The following CFTR variants were observed in gnomAD, a reference collection of about 807,000 sequenced individuals.
CFTR encodes the protein cystic fibrosis transmembrane conductance regulator.
Under a neutral mutation model 171.6 loss-of-function variants are expected in CFTR, and 181 were observed. The ratio of observed to expected loss-of-function variants is 1.05; its 90% CI spans 0.93 to 1.19. CFTR has a LOEUF of 1.19. Ranked by LOEUF, CFTR falls within the 50% of genes most tolerant of loss-of-function variation. The probability of loss-of-function intolerance (pLI) is 0.00; values close to 1 mark genes in which losing one functional copy is unlikely to be tolerated. For missense variants in CFTR, 1,968 were observed against 1,734.7 expected (o/e 1.13, Z -2.39); for synonymous variants, 583 against 608.0 (o/e 0.96, Z 0.60).
chr7:117,541,714 A>G (rs1799055566), intron 8 of CFTR, among the ~76,000 whole-genome samples: 1 of 152,166 alleles, frequency 6.6e-6, no homozygotes, highest in South Asian at 2.1e-4. Flanking sequence ...TTGCTTTGTA[A>G]ATTCATCACT....
intron 25 of CFTR, 39 bp from the exon 26 acceptor site, chr7:117,665,420 T>A: frequency 9.0e-7 from 1 of 1,111,390 alleles, no homozygotes; most frequent in Non-Finnish European, 1.4e-6. Flanking sequence ...ATCATTACTG[T>A]TCTGTGATAT....
chr7:117,627,787 G>A lies in CFTR; in HGVS notation c.3717+17G>A. 1 of 1,607,570 alleles carries A rather than the reference G, an allele frequency of 6.2e-7. No homozygotes were observed. The highest frequency in any genetic ancestry group is 2.2e-5 in the East Asian group (1 of 44,822). ...GGCCAGAGGGTGAGATTTGAACACTGCTTGCTTTGTTAGACTGTGTTCAGT... is the reference window on the plus strand; with the variant it reads ...GGCCAGAGGGTGAGATTTGAACACTACTTGCTTTGTTAGACTGTGTTCAGT... On this transcript the variant is annotated intron_variant, in intron 22 of 26. Coordinates refer to ENST00000003084, the MANE Select transcript of CFTR (RefSeq NM_000492.4).
chr7:117,584,386 G>A (rs213960), intron 11 of CFTR, among the ~76,000 whole-genome samples: 151,768 of 152,310 alleles, frequency 1, 75,616 homozygotes, highest in Middle Eastern at 1. Context: ...ATTCTTCTAC[G>A]TGTGGCTTGC....
In CFTR at chr7:117,667,277, C is replaced by T. The variant is rs558545826; in HGVS notation, c.*169C>T. On this transcript the variant is annotated 3_prime_UTR_variant, in exon 27 of 27. Transcript: ENST00000003084. The stretch of plus-strand genomic sequence containing the variant: ...CATTTGGTAAGGGGAATTGAGGACA[C>T]TGATATGGGTCTTGATAAATGGCTT... 6.2e-5 allele frequency: 42 copies of T among 679,870 alleles called. 1 individual carries two copies. The East Asian group carries it at 1.2e-3, about 19-fold the overall frequency. The allele number at this position is 679,870 out of a possible 1,614,324, so 42.1% of individuals were successfully genotyped here.
At chr7:117,664,401 A>G (rs1046310591) in intron 24 of CFTR, among the ~76,000 whole-genome samples, 7 of 152,192 alleles carry the variant, frequency 4.6e-5, no homozygotes, top group Non-Finnish European at 7.3e-5. Flanking sequence ...TGTGCCACGT[A>G]TTGTTTTCTT....
At chr7:117,576,428 A>G (rs1335683027) in intron 11 of CFTR, among the ~76,000 whole-genome samples, 1 of 152,144 alleles carries the variant, frequency 6.6e-6, no homozygotes, top group East Asian at 1.9e-4. Flanking sequence ...ATACAGGAAG[A>G]TGTGCATATG....
chr7:117,627,480 C>T (rs779030454), intron 21 of CFTR, 42 bp from the exon 22 acceptor site: 2 of 1,607,422 alleles, frequency 1.2e-6, no homozygotes, highest in Admixed American at 1.7e-5. Context: ...GTGAAATTGT[C>T]TGCCATTCTT....
At chr7:117,609,982 G>T (rs932918546) in intron 18 of CFTR, among the ~76,000 whole-genome samples, 17 of 152,054 alleles carry the variant, frequency 1.1e-4, no homozygotes, top group African/African-American at 4.1e-4. Flanking sequence ...AGAATGGGGA[G>T]AGTATTTAGT....
At chr7:117,640,226 A>C (rs1792890064) in intron 22 of CFTR, among the ~76,000 whole-genome samples, 1 of 152,150 alleles carries the variant, frequency 6.6e-6, no homozygotes. Context: ...ACTAATTATT[A>C]TGTGCCAGTT....
At position 117,579,070 on chromosome 7, in the gene CFTR, C is replaced by T. The variant is rs891570897; in HGVS notation, c.1585-8669C>T. On this transcript the variant is annotated intron_variant, in intron 11 of 26. Transcript: ENST00000003084. ...TAGCTTTTTTTCTACTTGCAATAAC[C>T]CTTTAGGAATTAAAATGGAAAACTA... Among the ~76,000 whole-genome samples, 4 of 151,688 alleles carry T rather than the reference C, an allele frequency of 2.6e-5. No individual in the cohort carries two copies. In the East Asian group the frequency reaches 7.7e-4, roughly 29 times the overall value.
chr7:117,573,059 GCTCT>G (rs201586646), intron 11 of CFTR, among the ~76,000 whole-genome samples: 3 of 87,318 alleles, frequency 3.4e-5, no homozygotes, highest in Non-Finnish European at 5.4e-5. Context: ...TCTCTCTCTT[GCTCT>G]CTCTCTCTCT....
intron 1 of CFTR, among the ~76,000 whole-genome samples, chr7:117,487,313 A>G (rs908416459): frequency 6.6e-6 from 1 of 152,140 alleles, no homozygotes; most frequent in South Asian, 2.1e-4. Context: ...TGAGAGTGTT[A>G]GGAAGAAGCA....
intron 18 of CFTR, among the ~76,000 whole-genome samples, chr7:117,610,044 C>T (rs895604711): frequency 1.3e-5 from 2 of 151,568 alleles, no homozygotes; most frequent in Non-Finnish European, 2.9e-5. Context: ...CACCATGGAA[C>T]ACTATGCAGC....
At position 117,661,932 on chromosome 7, in the gene CFTR, C is replaced by A. The variant is rs181908337; in HGVS notation, c.3964-2756C>A. Among the ~76,000 whole-genome samples the A allele has an allele frequency of 5.1e-3, 728 of 141,510 alleles. 4 individuals carry two copies. Among genetic ancestry groups the A allele is most frequent in the Non-Finnish European group, 7.5e-3 (502 of 66,626 alleles). 92.8% of individuals were successfully genotyped at this position (141,510 alleles called of 152,430 possible). ...CAGATTCAAAGCTGATTGTGTTTGACTCTAGAGCTGCAGTCTTAAGCCAGA... is the reference window on the plus strand; with the variant it reads ...CAGATTCAAAGCTGATTGTGTTTGAATCTAGAGCTGCAGTCTTAAGCCAGA... On this transcript the variant is annotated intron_variant, in intron 24 of 26. Transcript: ENST00000003084.
At chr7:117,531,265 T>C in intron 4 of CFTR, 151 bp downstream of exon 4, 2 of 649,894 alleles carry the variant, frequency 3.1e-6, no homozygotes, top group South Asian at 3.6e-5. Context: ...GAATAATTAA[T>C]GCTCTTAATT....
intron 23 of CFTR, 113 bp downstream of exon 23, chr7:117,642,706 T>C (rs1792939800): frequency 1.7e-6 from 2 of 1,154,316 alleles, no homozygotes; most frequent in South Asian, 1.4e-5. Flanking sequence ...TTGTTATGCA[T>C]TGCTGTCTTT....
chr7:117,547,671 T>C (rs1799169178), intron 9 of CFTR, among the ~76,000 whole-genome samples: 1 of 152,196 alleles, frequency 6.6e-6, no homozygotes, highest in Non-Finnish European at 1.5e-5. Context: ...TTTCTGCCTT[T>C]GCTTTTATGG....
chr7:117,620,143 T>C (rs1489836299), intron 21 of CFTR, among the ~76,000 whole-genome samples: 1 of 152,150 alleles, frequency 6.6e-6, no homozygotes, highest in East Asian at 1.9e-4. Context: ...TTTTCACAAA[T>C]TTTTGTGGTA....
chr7:117,492,120 A>T (rs1048753459), intron 1 of CFTR, among the ~76,000 whole-genome samples: 2 of 152,040 alleles, frequency 1.3e-5, no homozygotes, highest in African/African-American at 4.8e-5. Context: ...GTACATGTCC[A>T]CTAAAAATAG....
Sources: allele counts gnomAD v4.1 joint callset (sites outside exome capture counted in the v4.1 genomes callset), GRCh38; gene constraint gnomAD v4.1.1; transcripts MANE v1.5; gene names NCBI Gene and HGNC (gene_info 2026-07-23, HGNC 2026-07-21).